The following GRIPAP1 variants were observed in gnomAD, a reference collection of about 807,000 sequenced individuals.
The protein encoded by GRIPAP1 is GRIP1 associated protein 1.
Under a neutral mutation model 84.1 loss-of-function variants are expected in GRIPAP1, and 14 were observed. That is an observed-to-expected ratio of 0.17 (90% CI 0.11 to 0.26). The LOEUF (loss-of-function observed/expected upper bound fraction) is 0.26, where lower values mean the gene tolerates loss of function less well. Among genes scored for constraint, GRIPAP1 ranks in the 10% least tolerant of loss-of-function variants. The pLI, the probability that GRIPAP1 is intolerant of heterozygous loss-of-function variation, is 1.00. For missense variants in GRIPAP1, 518 were observed against 674.2 expected, an observed-to-expected ratio of 0.77 and a Z score of 2.57; for synonymous variants, 261 against 256.8, an observed-to-expected ratio of 1.02 and a Z score of -0.15.
rs1557066090 is a variant in GRIPAP1, at chrX:48,993,567, C to T, written c.318G>A (p.Gln106=). 1.7e-6 allele frequency: 2 copies of T among 1,162,803 alleles called. No homozygotes were observed. The highest frequency in any genetic ancestry group is 3.2e-5 in the East Asian group (1 of 31,133). ...LMAEFSKLCS[Q]MEQLEQENQQ... ...GGTTCTCTTGCTCCAGCTGTTCCAT[C>T]TGGCTGCAGAGCTGAACAGAGGAAG... Residue 106 remains glutamine, a synonymous_variant, in exon 6 of 26, where the codon CAG becomes CAA. Transcript: ENST00000376423.
intron 13 of GRIPAP1, among the ~76,000 whole-genome samples, chrX:48,985,924 C>T (rs1452728811): frequency 3.6e-5 from 4 of 110,922 alleles, no homozygotes; most frequent in Non-Finnish European, 7.6e-5. Flanking sequence ...ATTTCATGCA[C>T]TTTACTAGAG....
Position 48,983,782 on chromosome X carries a change from G to A in GRIPAP1, c.1265C>T (p.Ala422Val). The change falls in exon 15 of 26, where the codon GCT becomes GTT. Residue 422 changes from alanine (A) to valine (V), a missense_variant. Ala to Val is a moderately conservative substitution (Grantham distance 64). Coordinates refer to ENST00000376423, the MANE Select transcript of GRIPAP1 (RefSeq NM_020137.5). ...ACCCTCATGTTCCCCTACCTTCCGA[G>A]CCTCCTGTAATTCCTGGGTCAACTG... ...KEQLTQELQEARKSAEKRKAM... is the reference protein window; with the variant it reads ...KEQLTQELQEVRKSAEKRKAM... The A allele has an allele frequency of 1.7e-6, 2 of 1,152,156 alleles. No individual in the cohort carries two copies. Among genetic ancestry groups the A allele is most frequent in the African/African-American group, 3.6e-5 (2 of 56,129 alleles). 95.0% of individuals were successfully genotyped at this position (1,152,156 alleles called of 1,213,427 possible). A position where few individuals can be genotyped will look rare whatever the true frequency, so the allele number is the denominator to read the frequency against.
At chrX:49,001,375 A>C (rs2064579091) in intron 1 of GRIPAP1, among the ~76,000 whole-genome samples, 2 of 84,408 alleles carry the variant, frequency 2.4e-5, no homozygotes, top group Non-Finnish European at 4.6e-5. Flanking sequence ...CCAGTGAGGA[A>C]CCCTCTCAAC....
chrX:48,989,832 T>TTAAACCAATACCCGCAA lies in GRIPAP1; in HGVS notation c.770+2_770+3insTTGCGGGTATTGGTTTA. On this transcript the variant is annotated splice_region_variant and intron_variant, in intron 10 of 25. Coordinates refer to ENST00000376423, the MANE Select transcript of GRIPAP1 (RefSeq NM_020137.5). The stretch of plus-strand genomic sequence containing the variant: ...CACCAATACCCGCAAATCTGGCAGT[T>TTAAACCAATACCCGCAA]ACCTGCTGTCATTAAACAGAGTCTC... The TTAAACCAATACCCGCAA allele has an allele frequency of 1.7e-6, 2 of 1,207,717 alleles. No individual in the cohort carries two copies. The highest frequency in any genetic ancestry group is 2.2e-6 in the Non-Finnish European group (2 of 891,876).
In GRIPAP1 at chrX:48,988,161, C is replaced by T. The variant is rs201552228; in HGVS notation, c.908G>A (p.Arg303His). The T allele has an allele frequency of 2.4e-5, 29 of 1,197,102 alleles. No individual in the cohort carries two copies. Among genetic ancestry groups the T allele is most frequent in the East Asian group, 3.0e-5 (1 of 33,395 alleles). ...AELRDQRQGE[R>H]LEHAAALRAL... ...CCGCAAAGCTGCTGCATGTTCCAGG[C>T]GCTCCCCCTGCCGCTGATCTCTCAG... is the stretch of plus-strand genomic sequence containing the variant. Residue 303 changes from arginine (R) to histidine (H), a missense_variant, in exon 12 of 26, where the codon CGC becomes CAC. Around this residue, in one of 5 missense-constraint regions of GRIPAP1, gnomAD observed 372 missense variants for 458.1 expected, o/e 0.81. Transcript: ENST00000376423.
chrX:49,002,212 A>G lies in GRIPAP1; in HGVS notation c.18T>C (p.Ser6=). ...CCTGCATCCGCTGAAACTCCTCCTC[A>G]GACAGAGCTTGCGCCATGTTCCTCC... The part of the protein sequence containing the change: MAQAL[S]EEEFQRMQAQ... Residue 6 remains serine (S), a synonymous_variant, in exon 1 of 26, where the codon TCT becomes TCC. Coordinates refer to ENST00000376423, the MANE Select transcript of GRIPAP1 (RefSeq NM_020137.5). The G allele has an allele frequency of 8.5e-7, 1 of 1,172,507 alleles. No individual in the cohort carries two copies. The highest frequency in any genetic ancestry group is 1.8e-5 in the South Asian group (1 of 54,925).
At chrX:48,990,383 C>T (rs782444276) in intron 8 of GRIPAP1, among the ~76,000 whole-genome samples, 70 of 112,123 alleles carry the variant, frequency 6.2e-4, no homozygotes, top group Middle Eastern at 4.6e-3. Context: ...CCCTGGGTCT[C>T]CAGGTCCTAA....
rs1406644880 is a variant in GRIPAP1 at position 48,975,525 on chromosome X, A to G, written c.2279-216T>C. 3 of 399,957 alleles carry G rather than the reference A, an allele frequency of 7.5e-6. No individual in the cohort carries two copies. In the African/African-American group the frequency reaches 7.5e-5, roughly 10 times the overall value. 33.0% of individuals were successfully genotyped at this position (399,957 alleles called of 1,213,427 possible). On this transcript the variant is annotated intron_variant, in intron 24 of 25. Transcript: ENST00000376423. Reference sequence around the variant, plus strand: ...GGATAACTAACTTGTGGAACTGGAAAGATGCACATGACTGTATGTGAAGCA... The same window carrying G: ...GGATAACTAACTTGTGGAACTGGAAGGATGCACATGACTGTATGTGAAGCA...
chrX:48,993,313 G>T, intron 6 of GRIPAP1, 115 bp downstream of exon 6: 1 of 668,801 alleles, frequency 1.5e-6, no homozygotes, highest in East Asian at 4.0e-5. Flanking sequence ...AAGCCACACA[G>T]GGCATGGGCC....
intron 1 of GRIPAP1, among the ~76,000 whole-genome samples, chrX:49,000,055 ATCC>A (rs1386752606): frequency 9.1e-6 from 1 of 110,165 alleles, no homozygotes; most frequent in Non-Finnish European, 1.9e-5. Context: ...CTCAAAATAC[ATCC>A]AGGCCCCCTT....
At position 49,000,364 on chromosome X, in the gene GRIPAP1, CAAAAAAAAAAAAAAAA is replaced by C. The variant is rs1156902802; in HGVS notation, c.43-876_43-861del. Among the ~76,000 whole-genome samples the C allele has an allele frequency of 7.6e-4, 17 of 22,233 alleles. No homozygotes were observed. In the East Asian group the frequency reaches 0.033, roughly 44 times the overall value. 19.3% of individuals were successfully genotyped at this position (22,233 alleles called of 115,157 possible). On this transcript the variant is annotated intron_variant, in intron 1 of 25. Coordinates refer to ENST00000376423, the MANE Select transcript of GRIPAP1 (RefSeq NM_020137.5). The stretch of plus-strand genomic sequence containing the variant: ...TGGGTGACAGAGTGAGACTCTGTCT[CAAAAAAAAAAAAAAAA>C]AAAAAAAAAAAAAAGAATTAAGGGA...
intron 6 of GRIPAP1, among the ~76,000 whole-genome samples, chrX:48,992,605 T>C (rs371248548): frequency 3.6e-5 from 4 of 111,588 alleles, no homozygotes; most frequent in African/African-American, 1.3e-4. Flanking sequence ...GAATCCCTCC[T>C]AGAGCCTCCT....
intron 3 of GRIPAP1, 169 bp downstream of exon 3, chrX:48,999,069 A>T: frequency 2.7e-6 from 1 of 373,607 alleles, no homozygotes; most frequent in Non-Finnish European, 4.6e-6. Context: ...GGATTAGGTA[A>T]AATTAGCAAC....
rs1557065291 is a variant in GRIPAP1, at chrX:48,990,953, C to G, written c.615G>C (p.Leu205Phe). 8.6e-7 allele frequency: 1 copy of G among 1,168,733 alleles called. No homozygotes were observed. Residue 205 changes from leucine (L) to phenylalanine (F), a missense_variant, in exon 7 of 26, where the codon TTG becomes TTC. By Grantham distance (22) the Leu-to-Phe change is conservative. This residue lies in a region of GRIPAP1 where 372 missense variants were observed against 458.1 expected (regional missense o/e 0.81). Transcript: ENST00000376423. ...KWEMEKEEKR[L>F]LWEQLQGLES... The stretch of plus-strand genomic sequence containing the variant: ...CTAAGCCTTGCAGCTGTTCCCAGAG[C>G]AATCTCTTCTCCTCTTTCTCCATTT...
chrX:48,984,075 CG>C (rs1569519585), intron 14 of GRIPAP1, among the ~76,000 whole-genome samples: 1 of 111,787 alleles, frequency 8.9e-6, no homozygotes. Context: ...AATTTATCAT[CG>C]GGCATACAGC....
chrX:49,002,260 T>C lies in GRIPAP1; in HGVS notation c.-31A>G. The C allele has an allele frequency of 1.0e-6, 1 of 989,450 alleles. No individual in the cohort carries two copies. The highest frequency in any genetic ancestry group is 1.4e-6 in the Non-Finnish European group (1 of 706,106). The allele number at this position is 989,450 out of a possible 1,213,427, so 81.5% of individuals were successfully genotyped here. A position where few individuals can be genotyped will look rare whatever the true frequency, so the allele number is the denominator to read the frequency against. On this transcript the variant is annotated 5_prime_UTR_variant, in exon 1 of 26. Coordinates refer to ENST00000376423, the MANE Select transcript of GRIPAP1 (RefSeq NM_020137.5). ...TCCCCCCACCCCCCCGCCAGCTTTC[T>C]GCGCAGACGCAGCTCGCGCCTCCTG...
chrX:48,977,626 TG>T (rs1296806823), intron 22 of GRIPAP1: 1 of 111,732 alleles, frequency 8.9e-6, no homozygotes, highest in African/African-American at 3.3e-5. Flanking sequence ...CGCCCAGCCC[TG>T]AACTAAGAAT....
chrX:48,993,353 C>A, intron 6 of GRIPAP1, 75 bp downstream of exon 6: 1 of 954,390 alleles, frequency 1.0e-6, no homozygotes, highest in Non-Finnish European at 1.4e-6. Flanking sequence ...TTCTCCTTCC[C>A]CTGAGAGGAT....
chrX:48,994,738 A>G (rs2064538594), intron 5 of GRIPAP1, among the ~76,000 whole-genome samples: 1 of 111,982 alleles, frequency 8.9e-6, no homozygotes, highest in South Asian at 3.7e-4. Context: ...CAGATTCTGA[A>G]ACCAGACTGC....
Sources: allele counts gnomAD v4.1 joint callset (sites outside exome capture counted in the v4.1 genomes callset), GRCh38; gene constraint gnomAD v4.1.1; regional missense constraint gnomAD v4.1.1; transcripts MANE v1.5; gene names NCBI Gene and HGNC (gene_info 2026-07-23, HGNC 2026-07-21).